The following PTPRD variants were observed in gnomAD, a reference collection of about 807,000 sequenced individuals.
The protein encoded by PTPRD is receptor-type tyrosine-protein phosphatase delta.
Under a neutral mutation model 214.5 loss-of-function variants are expected in PTPRD, and 34 were observed. The ratio of observed to expected loss-of-function variants is 0.16; its 90% CI spans 0.12 to 0.21. The LOEUF (loss-of-function observed/expected upper bound fraction) is 0.21. Among genes scored for constraint, PTPRD ranks in the 10% least tolerant of loss-of-function variants. The pLI, the probability that PTPRD is intolerant of heterozygous loss-of-function variation, is 1.00. For missense variants in PTPRD, 2,545 were observed against 2,398.7 expected, an observed-to-expected ratio of 1.06 and a Z score of -1.27; for synonymous variants, 1,128 against 845.7, an observed-to-expected ratio of 1.33 and a Z score of -5.79.
At chr9:8,861,901 T>A (rs550329559) in intron 11 of PTPRD, 1 of 152,364 alleles carries the variant, frequency 6.6e-6, no homozygotes, top group Non-Finnish European at 1.5e-5. Context: ...TTTATTGACT[T>A]ACTGCTAAAT....
At chr9:9,157,333 A>G (rs569328748) in intron 10 of PTPRD, among the ~76,000 whole-genome samples, 2 of 152,230 alleles carry the variant, frequency 1.3e-5, no homozygotes, top group Admixed American at 1.3e-4. Flanking sequence ...AAAATTAACA[A>G]AACTAAGAGA....
chr9:8,435,417 G>C (rs1045631687), intron 35 of PTPRD, among the ~76,000 whole-genome samples: 9 of 152,152 alleles, frequency 5.9e-5, no homozygotes, highest in African/African-American at 2.2e-4. Flanking sequence ...CAGATACCAA[G>C]AGGTAACAGG....
intron 14 of PTPRD, among the ~76,000 whole-genome samples, chr9:8,602,695 C>A (rs933727454): frequency 3.3e-4 from 51 of 152,254 alleles, no homozygotes; most frequent in African/African-American, 1.2e-3. Context: ...ATGAACTCAA[C>A]CTGCATCAAT....
intron 9 of PTPRD, among the ~76,000 whole-genome samples, chr9:9,299,868 C>A (rs950275801): frequency 6.6e-6 from 1 of 151,146 alleles, no homozygotes; most frequent in African/African-American, 2.4e-5. Flanking sequence ...AAACTTCTTA[C>A]TGATTAATCT....
rs544892157 is a variant in PTPRD, at chr9:9,051,113, G to A, written c.-142-32378C>T. Among the ~76,000 whole-genome samples, 130 of 152,128 alleles carry A rather than the reference G, an allele frequency of 8.5e-4. 1 individual carries two copies. The highest frequency in any genetic ancestry group is 2.6e-3 in the African/African-American group (109 of 41,518). On this transcript the variant is annotated intron_variant, in intron 10 of 45. Coordinates refer to ENST00000381196, the MANE Select transcript of PTPRD (RefSeq NM_002839.4). ...CTATTATATAGTCTTCCAGCTATCA[G>A]TCATTCTCTGTACATATTCTATATT...
intron 9 of PTPRD, among the ~76,000 whole-genome samples, chr9:9,233,979 G>T (rs942546558): frequency 2.8e-4 from 42 of 152,116 alleles, no homozygotes; most frequent in Admixed American, 2.8e-3. Flanking sequence ...GAGGATGATG[G>T]CCCTTTTTTT....
intron 11 of PTPRD, among the ~76,000 whole-genome samples, chr9:8,826,588 T>C (rs10120450): frequency 0.57 from 86,768 of 151,408 alleles, 25,787 homozygotes; most frequent in African/African-American, 0.73. Context: ...TTCAGGTCTT[T>C]ACTTAAATGT....
intron 11 of PTPRD, among the ~76,000 whole-genome samples, chr9:8,920,498 T>C (rs1413455692): frequency 2.0e-5 from 3 of 152,132 alleles, no homozygotes; most frequent in African/African-American, 7.2e-5. Context: ...GGGTATCCAA[T>C]CTTTTGGCTT....
chr9:9,390,993 A>G (rs569358849), intron 9 of PTPRD, among the ~76,000 whole-genome samples: 1 of 152,320 alleles, frequency 6.6e-6, no homozygotes, highest in African/African-American at 2.4e-5. Context: ...TATCTTGATA[A>G]GATAGTTTTT....
At chr9:9,426,551 G>A (rs1248931244) in intron 8 of PTPRD, among the ~76,000 whole-genome samples, 1 of 152,220 alleles carries the variant, frequency 6.6e-6, no homozygotes, top group Non-Finnish European at 1.5e-5. Flanking sequence ...CAGCTTTGAA[G>A]AGTGTAGTGG....
At chr9:8,957,260 T>C (rs890821355) in intron 11 of PTPRD, among the ~76,000 whole-genome samples, 5 of 151,786 alleles carry the variant, frequency 3.3e-5, no homozygotes, top group African/African-American at 1.2e-4. Flanking sequence ...GGCTACCTAC[T>C]CCTCCAGAAA....
intron 8 of PTPRD, among the ~76,000 whole-genome samples, chr9:9,504,089 A>G (rs2154232522): frequency 6.6e-6 from 1 of 151,862 alleles, no homozygotes; most frequent in East Asian, 1.9e-4. Flanking sequence ...GCAATACCCT[A>G]TTCCAAAGTA....
At chr9:10,060,823 T>C (rs10958850) in intron 3 of PTPRD, among the ~76,000 whole-genome samples, 29,837 of 117,978 alleles carry the variant, frequency 0.25, 5,076 homozygotes, top group South Asian at 0.33. Flanking sequence ...TTTCTTTCTT[T>C]CTTTCTTCCT....
At chr9:9,045,061 A>ATT (rs200925774) in intron 10 of PTPRD, among the ~76,000 whole-genome samples, 1,943 of 152,324 alleles carry the variant, frequency 0.013, 11 homozygotes, top group Non-Finnish European at 0.022. Flanking sequence ...ATATGATGTT[A>ATT]AAGAAACATG....
intron 2 of PTPRD, among the ~76,000 whole-genome samples, chr9:10,423,512 A>T (rs2098573722): frequency 6.6e-6 from 1 of 151,960 alleles, no homozygotes; most frequent in South Asian, 2.1e-4. Flanking sequence ...TTATGGTCAC[A>T]TCTCTACACA....
chr9:9,957,688 G>T (rs918510062), intron 4 of PTPRD, among the ~76,000 whole-genome samples: 1 of 151,900 alleles, frequency 6.6e-6, no homozygotes, highest in Non-Finnish European at 1.5e-5. Flanking sequence ...ACTGACAAAT[G>T]AATCCTAAAA....
chr9:10,055,954 G>A (rs1374435878), intron 3 of PTPRD, among the ~76,000 whole-genome samples: 2 of 149,606 alleles, frequency 1.3e-5, no homozygotes, highest in Admixed American at 6.6e-5. Flanking sequence ...AGAGAAATAA[G>A]ATAAAGTAGC....
In PTPRD at chr9:10,449,602, C is replaced by T. The variant is rs551597217; in HGVS notation, c.-599-108585G>A. Among the ~76,000 whole-genome samples, 37 of 151,462 alleles carry T rather than the reference C, an allele frequency of 2.4e-4. 1 individual carries two copies. Among genetic ancestry groups the T allele is most frequent in the Non-Finnish European group, 4.6e-4 (31 of 67,962 alleles). ...CCCGTCTAAGTGAGGAGGGTCTCTGCCCAGCCGCCCATCGTCTGAGATGTG... is the reference window on the plus strand; with the variant it reads ...CCCGTCTAAGTGAGGAGGGTCTCTGTCCAGCCGCCCATCGTCTGAGATGTG... On this transcript the variant is annotated intron_variant, in intron 2 of 45. Coordinates refer to ENST00000381196, the MANE Select transcript of PTPRD (RefSeq NM_002839.4).
intron 5 of PTPRD, among the ~76,000 whole-genome samples, chr9:9,833,445 G>C (rs2055630122): frequency 1.3e-5 from 2 of 151,922 alleles, no homozygotes; most frequent in African/African-American, 4.8e-5. Context: ...GGCAAGTGGA[G>C]GCAGGGCGAG....
Sources: allele counts gnomAD v4.1 joint callset (sites outside exome capture counted in the v4.1 genomes callset), GRCh38; gene constraint gnomAD v4.1.1; transcripts MANE v1.5; gene names NCBI Gene and HGNC (gene_info 2026-07-23, HGNC 2026-07-21).